Variants in TNIK observed in about 807,000 individuals in gnomAD.
TNIK encodes TRAF2 and NCK-interacting protein kinase.
In TNIK, 49 loss-of-function variants were observed where a neutral mutation model predicts 191.3. The observed-to-expected ratio is 0.26, with a 90% confidence interval of 0.20 to 0.32. The LOEUF is 0.32. TNIK is among the 10% of genes least tolerant of loss of function. The pLI is 1.00. For synonymous variants in TNIK, 594 were observed against 600.9 expected (o/e 0.99, Z 0.17); for missense variants, 1,155 against 1,702.3 (o/e 0.68, Z 5.66).
chr3:171,258,360 A>G (rs1484056932), intron 2 of TNIK, among the ~76,000 whole-genome samples: 1 of 152,196 alleles, frequency 6.6e-6, no homozygotes, highest in Non-Finnish European at 1.5e-5. Context: ...CTCACTAATG[A>G]TTTCCCTACT....
chr3:171,365,158 A>ATTTT (rs1715515509), intron 2 of TNIK, among the ~76,000 whole-genome samples: 21 of 51,616 alleles, frequency 4.1e-4, no homozygotes, highest in Non-Finnish European at 8.4e-4. Flanking sequence ...AAAGGACTAC[A>ATTTT]TTCTTTTTTT....
chr3:171,224,928 T>C (rs779789631), intron 3 of TNIK, among the ~76,000 whole-genome samples: 1 of 152,148 alleles, frequency 6.6e-6, no homozygotes, highest in Non-Finnish European at 1.5e-5. Flanking sequence ...TGGAAGGATA[T>C]AAGCATTATA....
At chr3:171,173,233 A>AT (rs1488750814) in intron 9 of TNIK, among the ~76,000 whole-genome samples, 2 of 151,000 alleles carry the variant, frequency 1.3e-5, no homozygotes, top group Non-Finnish European at 3.0e-5. Flanking sequence ...AAAAAAAAAA[A>AT]AAAATACAAA....
At chr3:171,202,453 G>A (rs774507475) in intron 4 of TNIK, among the ~76,000 whole-genome samples, 2 of 152,056 alleles carry the variant, frequency 1.3e-5, no homozygotes, top group Non-Finnish European at 2.9e-5. Context: ...TGAAGATTTT[G>A]AGAAACACAA....
chr3:171,245,013 G>A (rs572744290), intron 2 of TNIK, among the ~76,000 whole-genome samples: 1 of 152,208 alleles, frequency 6.6e-6, no homozygotes, highest in South Asian at 2.1e-4. Context: ...AATGATTCAT[G>A]AGCAATTTCT....
At chr3:171,111,735 C>T (rs1488521335) in intron 18 of TNIK, among the ~76,000 whole-genome samples, 1 of 152,196 alleles carries the variant, frequency 6.6e-6, no homozygotes, top group Non-Finnish European at 1.5e-5. Context: ...GCACTATTCA[C>T]AGTAGCCACA....
At chr3:171,262,668 C>CA (rs568754321) in intron 2 of TNIK, among the ~76,000 whole-genome samples, 6 of 152,060 alleles carry the variant, frequency 3.9e-5, no homozygotes, top group South Asian at 2.1e-4. Flanking sequence ...TGAAGAACTG[C>CA]AAAAAAATGC....
At chr3:171,339,107 C>T (rs1245578064) in intron 2 of TNIK, among the ~76,000 whole-genome samples, 1 of 152,154 alleles carries the variant, frequency 6.6e-6, no homozygotes, top group Non-Finnish European at 1.5e-5. Flanking sequence ...GCTAAATACA[C>T]ATTTCTGTTT....
chr3:171,403,475 G>A (rs1054045099), intron 1 of TNIK, among the ~76,000 whole-genome samples: 3 of 152,012 alleles, frequency 2.0e-5, no homozygotes, highest in South Asian at 2.1e-4. Flanking sequence ...TTAGTTGGGC[G>A]TGGTGGCACA....
chr3:171,449,224 T>C (rs1465658064), intron 1 of TNIK, among the ~76,000 whole-genome samples: 1 of 152,168 alleles, frequency 6.6e-6, no homozygotes, highest in Non-Finnish European at 1.5e-5. Context: ...CATGTGCATG[T>C]GCCTTTACAG....
intron 4 of TNIK, among the ~76,000 whole-genome samples, chr3:171,208,477 T>G (rs75245330): frequency 0.013 from 1,921 of 152,304 alleles, 39 homozygotes; most frequent in African/African-American, 0.044. Flanking sequence ...TTACTACGTA[T>G]TTTTTCCACA....
intron 1 of TNIK, among the ~76,000 whole-genome samples, chr3:171,381,374 A>G (rs1333367978): frequency 6.6e-6 from 1 of 152,180 alleles, no homozygotes; most frequent in Non-Finnish European, 1.5e-5. Flanking sequence ...TACCCTGTGA[A>G]TCTCCAAGAC....
At chr3:171,415,039 TC>T (rs533195300) in intron 1 of TNIK, among the ~76,000 whole-genome samples, 15 of 152,158 alleles carry the variant, frequency 9.9e-5, no homozygotes, top group Non-Finnish European at 1.5e-4. Context: ...TCTACCAGGC[TC>T]CCCCTTCCTT....
intron 1 of TNIK, among the ~76,000 whole-genome samples, chr3:171,407,116 G>T (rs577012794): frequency 5.3e-5 from 8 of 152,142 alleles, no homozygotes; most frequent in Non-Finnish European, 1.2e-4. Context: ...GGGGTCCGGT[G>T]GTTCTCCACT....
intron 1 of TNIK, among the ~76,000 whole-genome samples, chr3:171,381,338 C>G (rs1456360566): frequency 6.6e-6 from 1 of 152,098 alleles, no homozygotes; most frequent in Non-Finnish European, 1.5e-5. Flanking sequence ...ACTGCAAGGC[C>G]TCTCAAAGCT....
chr3:171,185,664 C>T (rs1040586551), intron 7 of TNIK, among the ~76,000 whole-genome samples: 2 of 152,150 alleles, frequency 1.3e-5, no homozygotes, highest in African/African-American at 2.4e-5. Flanking sequence ...GTAGATATCA[C>T]ACAAAACCAG....
intron 15 of TNIK, among the ~76,000 whole-genome samples, chr3:171,132,301 T>G (rs1729417982): frequency 6.6e-6 from 1 of 152,184 alleles, no homozygotes; most frequent in Admixed American, 6.5e-5. Context: ...TTTTTCTTAT[T>G]AAAAAATCGT....
At chr3:171,344,719 T>G (rs1383705085) in intron 2 of TNIK, among the ~76,000 whole-genome samples, 2 of 132,032 alleles carry the variant, frequency 1.5e-5, no homozygotes, top group Admixed American at 1.5e-4. Context: ...TTTACAACAT[T>G]ACGAAATTCT....
At chr3:171,179,191 A>C (rs1040687018) in intron 7 of TNIK, among the ~76,000 whole-genome samples, 5 of 152,226 alleles carry the variant, frequency 3.3e-5, no homozygotes, top group African/African-American at 1.2e-4. Context: ...AACTCTCTGC[A>C]TACAACACAA....
Sources: gnomAD v4.1 joint callset for allele counts (sites outside exome capture counted in the v4.1 genomes callset) on GRCh38, gnomAD v4.1.1 for gene constraint, MANE v1.5 for transcripts, NCBI Gene and HGNC (gene_info 2026-07-23, HGNC 2026-07-21) for gene names.